The following SGCZ variants were observed in gnomAD, a reference collection of about 807,000 sequenced individuals.
SGCZ encodes zeta-sarcoglycan.
Under a neutral mutation model 41.3 loss-of-function variants are expected in SGCZ, and 40 were observed. The ratio of observed to expected loss-of-function variants is 0.97; its 90% CI spans 0.75 to 1.26. SGCZ has a LOEUF of 1.26. SGCZ is among the 50% of genes most tolerant of loss of function. The pLI, the probability that SGCZ is intolerant of heterozygous loss-of-function variation, is 0.00. For synonymous variants in SGCZ, 206 were observed against 137.5 expected (o/e 1.50, Z -3.49); for missense variants, 552 against 369.8 (o/e 1.49, Z -4.04).
At chr8:14,165,965 C>CCAT (rs1804196360) in intron 4 of SGCZ, among the ~76,000 whole-genome samples, 1 of 152,098 alleles carries the variant, frequency 6.6e-6, no homozygotes, top group African/African-American at 2.4e-5. Flanking sequence ...TTACTCCTCC[C>CCAT]CATCATCATA....
intron 2 of SGCZ, among the ~76,000 whole-genome samples, chr8:14,510,526 A>G (rs994220967): frequency 2.0e-5 from 3 of 152,148 alleles, no homozygotes; most frequent in East Asian, 3.9e-4. Context: ...TGGTAAGCTA[A>G]TAACAGAGAA....
At chr8:14,436,849 T>C (rs908341071) in intron 2 of SGCZ, among the ~76,000 whole-genome samples, 1 of 152,210 alleles carries the variant, frequency 6.6e-6, no homozygotes, top group Non-Finnish European at 1.5e-5. Context: ...CACTTCTTTG[T>C]TGGAAAACTG....
intron 3 of SGCZ, among the ~76,000 whole-genome samples, chr8:14,253,336 A>C (rs1447969916): frequency 6.6e-6 from 1 of 151,944 alleles, no homozygotes; most frequent in Non-Finnish European, 1.5e-5. Flanking sequence ...ATCTTACGTG[A>C]AATCATAAGC....
intron 2 of SGCZ, among the ~76,000 whole-genome samples, chr8:14,420,392 C>T (rs1028895596): frequency 6.6e-5 from 10 of 151,996 alleles, no homozygotes; most frequent in South Asian, 4.1e-4. Context: ...TCTGTGCTGA[C>T]GTCTCAACTC....
At chr8:14,514,515 A>C (rs891934333) in intron 2 of SGCZ, among the ~76,000 whole-genome samples, 1 of 151,642 alleles carries the variant, frequency 6.6e-6, no homozygotes. Context: ...CATGAGGTGA[A>C]ATCAATATTC....
At chr8:14,296,399 G>T (rs1801013843) in intron 3 of SGCZ, among the ~76,000 whole-genome samples, 1 of 152,104 alleles carries the variant, frequency 6.6e-6, no homozygotes, top group Non-Finnish European at 1.5e-5. Context: ...AGAAATACAT[G>T]GAGGTTTGGA....
chr8:14,179,280 T>G (rs1267341789), intron 4 of SGCZ, among the ~76,000 whole-genome samples: 2 of 152,232 alleles, frequency 1.3e-5, no homozygotes. Flanking sequence ...CCCCTGTACA[T>G]GCAGCCGTAT....
chr8:14,474,608 A>G (rs1801306912), intron 2 of SGCZ, among the ~76,000 whole-genome samples: 1 of 152,256 alleles, frequency 6.6e-6, no homozygotes, highest in East Asian at 1.9e-4. Flanking sequence ...CCCTGTATAA[A>G]AAATTAAAAC....
At chr8:14,999,914 G>T (rs528846453) in intron 1 of SGCZ, among the ~76,000 whole-genome samples, 1 of 152,076 alleles carries the variant, frequency 6.6e-6, no homozygotes, top group Non-Finnish European at 1.5e-5. Flanking sequence ...GTATTACAAG[G>T]GTGTTACGGG....
intron 1 of SGCZ, among the ~76,000 whole-genome samples, chr8:14,985,336 T>C (rs151131431): frequency 8.3e-4 from 126 of 152,282 alleles, no homozygotes; most frequent in African/African-American, 2.9e-3. Flanking sequence ...CCCCGTTTTA[T>C]ACATGAGAAG....
intron 1 of SGCZ, among the ~76,000 whole-genome samples, chr8:15,121,056 C>G (rs1394365742): frequency 6.6e-6 from 1 of 152,184 alleles, no homozygotes; most frequent in Admixed American, 6.5e-5. Flanking sequence ...ATAACCACTT[C>G]TTCATTTTTT....
At chr8:15,140,877 C>T (rs1257834020) in intron 1 of SGCZ, among the ~76,000 whole-genome samples, 1 of 152,146 alleles carries the variant, frequency 6.6e-6, no homozygotes, top group African/African-American at 2.4e-5. Context: ...GAAACAAATA[C>T]ATCTCTGCAG....
At chr8:15,017,310 C>T (rs562029040) in intron 1 of SGCZ, among the ~76,000 whole-genome samples, 1 of 152,126 alleles carries the variant, frequency 6.6e-6, no homozygotes, top group Admixed American at 6.5e-5. Flanking sequence ...AAATAGTCAA[C>T]AGAGGGCAGA....
chr8:14,899,250 A>C (rs941922949), intron 1 of SGCZ, among the ~76,000 whole-genome samples: 1 of 152,132 alleles, frequency 6.6e-6, no homozygotes, highest in East Asian at 1.9e-4. Flanking sequence ...CTTGCAATTT[A>C]AGATCTCCTT....
chr8:14,784,803 G>A (rs1800702767), intron 1 of SGCZ, among the ~76,000 whole-genome samples: 1 of 149,712 alleles, frequency 6.7e-6, no homozygotes. Flanking sequence ...TCAGGAGGCT[G>A]AGGCAGGAGA....
At chr8:15,134,656 A>G (rs1287520541) in intron 1 of SGCZ, among the ~76,000 whole-genome samples, 3 of 152,216 alleles carry the variant, frequency 2.0e-5, no homozygotes, top group Non-Finnish European at 4.4e-5. Context: ...AGCTGATTCT[A>G]TGCAAGACGA....
chr8:15,048,031 A>G (rs1804375918), intron 1 of SGCZ, among the ~76,000 whole-genome samples: 1 of 152,024 alleles, frequency 6.6e-6, no homozygotes, highest in African/African-American at 2.4e-5. Context: ...AGATTTCTGT[A>G]TTTCCATATT....
At chr8:14,278,487 T>C (rs1358991502) in intron 3 of SGCZ, among the ~76,000 whole-genome samples, 8 of 152,182 alleles carry the variant, frequency 5.3e-5, no homozygotes, top group Admixed American at 5.2e-4. Context: ...AGAAGCCATG[T>C]TGTGAGATGA....
At chr8:14,388,795 T>C (rs887121397) in intron 2 of SGCZ, among the ~76,000 whole-genome samples, 2 of 150,704 alleles carry the variant, frequency 1.3e-5, no homozygotes, top group Admixed American at 1.3e-4. Flanking sequence ...AACCTGCATA[T>C]GTACTCCTGA....
Sources: gnomAD v4.1 joint callset for allele counts (sites outside exome capture counted in the v4.1 genomes callset) on GRCh38, gnomAD v4.1.1 for gene constraint, MANE v1.5 for transcripts, NCBI Gene and HGNC (gene_info 2026-07-23, HGNC 2026-07-21) for gene names.